The following COL6A1 variants were observed in gnomAD, a reference collection of about 807,000 sequenced individuals.
The protein encoded by COL6A1 is collagen type VI alpha 1 chain, also known as collagen alpha-1(VI) chain.
A neutral mutation model predicts 145.6 loss-of-function variants in COL6A1; 80 were observed. The observed-to-expected ratio is 0.55, with a 90% CI of 0.46 to 0.66. The LOEUF (loss-of-function observed/expected upper bound fraction) is 0.66. COL6A1 is among the 30% of genes least tolerant of loss of function. COL6A1 has a pLI of 0.00. For synonymous variants in COL6A1, 638 were observed against 622.8 expected, an observed-to-expected ratio of 1.02 and a Z score of -0.36; for missense variants, 1,364 against 1,473.8, an observed-to-expected ratio of 0.93 and a Z score of 1.22.
chr21:45,981,934 C>T lies in COL6A1; in HGVS notation c.84C>T (p.Ala28=), dbSNP rs373932797. 2 of 1,606,744 alleles carry T rather than the reference C, an allele frequency of 1.2e-6. No homozygotes were observed. Among genetic ancestry groups the T allele is most frequent in the Non-Finnish European group, 1.7e-6 (2 of 1,177,888 alleles). ...AGGATGAGCCGGAGACCCCGAGGGC[C>T]GTGGCCTTCCAGGGTGAGTGGTGGC... ...AAQDEPETPR[A]VAFQDCPVDL... is the part of the protein sequence containing the mutation. Residue 28 remains alanine (A), a synonymous_variant, in exon 1 of 35, where the codon GCC becomes GCT. Coordinates refer to ENST00000361866, the MANE Select transcript of COL6A1 (RefSeq NM_001848.3).
chr21:45,997,454 C>T lies in COL6A1; in HGVS notation c.1432C>T (p.Arg478Ter), dbSNP rs1322270046. The T allele has an allele frequency of 1.9e-6, 3 of 1,612,772 alleles. No homozygotes were observed. The highest frequency in any genetic ancestry group is 1.7e-5 in the Admixed American group (1 of 59,984). Residue 478 changes from arginine to a stop codon, truncating the protein, a stop_gained, in exon 21 of 35, where the codon CGA becomes TGA. Coordinates refer to ENST00000361866, the MANE Select transcript of COL6A1 (RefSeq NM_001848.3). LOFTEE classifies it high-confidence loss of function. ...TGGCCCTATCGGACCTAAAGGCTAC[C>T]GAGGCGATGAGGGTCCCCCAGGGTC... ...EAGPIGPKGY[R>*]GDEGPPGSEG...
chr21:46,004,808 C>A lies in COL6A1; in HGVS notation c.*795C>A. 1 of 353,582 alleles carries A rather than the reference C, an allele frequency of 2.8e-6. No homozygotes were observed. Among genetic ancestry groups the A allele is most frequent in the South Asian group, 2.0e-5 (1 of 49,308 alleles). The allele number at this position is 353,582 out of a possible 1,614,324, so 21.9% of individuals were successfully genotyped here. ...GACCCTCGAGATTAACGGTGCTAAC[C>A]CCGTCTGCTCCTCCCTCCCGCAGAG... is the stretch of plus-strand genomic sequence containing the variant. On this transcript the variant is annotated 3_prime_UTR_variant, in exon 35 of 35. Coordinates refer to ENST00000361866, the MANE Select transcript of COL6A1 (RefSeq NM_001848.3).
chr21:45,999,919 GGACATGTGA>G (rs2077830258), intron 27 of COL6A1, among the ~76,000 whole-genome samples: 1 of 144,038 alleles, frequency 6.9e-6, no homozygotes. Context: ...GGATCATGGG[GGACATGTGA>G]GGATCATGGG....
chr21:45,990,431 G>GGA lies in COL6A1; in HGVS notation c.1002+10_1002+11insAG. On this transcript the variant is annotated intron_variant, in intron 13 of 34. Coordinates refer to ENST00000361866, the MANE Select transcript of COL6A1 (RefSeq NM_001848.3). ...GGGTGGACGGCGTGAAGGTGACTGG[G>GGA]GGGAGATAGGATGGACGGGGAGGGA... is the stretch of plus-strand genomic sequence containing the variant. The GGA allele has an allele frequency of 6.5e-7, 1 of 1,527,252 alleles. No individual in the cohort carries two copies. Among genetic ancestry groups the GGA allele is most frequent in the Non-Finnish European group, 8.9e-7 (1 of 1,124,160 alleles). The allele number at this position is 1,527,252 out of a possible 1,614,324, so 94.6% of individuals were successfully genotyped here.
chr21:45,985,056 T>A (rs1448931013), intron 3 of COL6A1, among the ~76,000 whole-genome samples: 2,758 of 65,848 alleles, frequency 0.042, no homozygotes, highest in Middle Eastern at 0.094. Flanking sequence ...ACAAAGACAG[T>A]CAGAGACAGA....
chr21:45,984,965 AAGAG>A (rs1295920816), intron 3 of COL6A1, among the ~76,000 whole-genome samples: 11 of 141,790 alleles, frequency 7.8e-5, no homozygotes, highest in Non-Finnish European at 1.2e-4. Flanking sequence ...CAGAGACAGA[AAGAG>A]AGAGAGACAG....
chr21:46,002,643 C>T lies in COL6A1; in HGVS notation c.2367C>T (p.Val789=). Residue 789 remains valine, a synonymous_variant, in exon 33 of 35, where the codon GTC becomes GTT. Transcript: ENST00000361866. The part of the protein sequence containing the change: ...PSQGRPGLSL[V]KENYAELLED... ...AGGGCCGGCCCGGCCTCTCGCTGGTCAAGGAGAACTATGCAGAGCTGCTGG... is the reference window on the plus strand; with the variant it reads ...AGGGCCGGCCCGGCCTCTCGCTGGTTAAGGAGAACTATGCAGAGCTGCTGG... 4 of 1,613,992 alleles carry T rather than the reference C, an allele frequency of 2.5e-6. No individual in the cohort carries two copies. Among genetic ancestry groups the T allele is most frequent in the Non-Finnish European group, 3.4e-6 (4 of 1,180,002 alleles).
Position 45,999,009 on chromosome 21 carries a change from G to A in COL6A1, c.1674+50G>A, listed in dbSNP as rs372460838. The A allele has an allele frequency of 1.8e-5, 28 of 1,549,554 alleles. No individual in the cohort carries two copies. In the African/African-American group the frequency reaches 3.0e-4, roughly 17 times the overall value. On this transcript the variant is annotated intron_variant, in intron 25 of 34. Coordinates refer to ENST00000361866, the MANE Select transcript of COL6A1 (RefSeq NM_001848.3). The stretch of plus-strand genomic sequence containing the variant: ...CAGCCCCAAGTCCACCTGAGCCAGA[G>A]GGCTGGGCCCTTGAAGGGCAGTGGA...
At position 45,989,099 on chromosome 21, in the gene COL6A1, C is replaced by T; in HGVS notation, c.820C>T (p.Pro274Ser). The change falls in exon 9 of 35, where the codon CCG becomes TCG. Residue 274 changes from proline (P) to serine (S), a missense_variant. Physicochemically the swap from Pro to Ser is moderately conservative, Grantham distance 74 (BLOSUM62 -1). Transcript: ENST00000361866. ...DPGFEGERGK[P>S]GLPGEKGEAG... is the part of the protein sequence containing the mutation. ...TGTGTTCCAGGGAGAACGAGGCAAG[C>T]CGGGGCTCCCAGGAGAGAAGGGAGA... 1 of 1,611,468 alleles carries T rather than the reference C, an allele frequency of 6.2e-7. No individual in the cohort carries two copies. The highest frequency in any genetic ancestry group is 8.5e-7 in the Non-Finnish European group (1 of 1,179,026).
In COL6A1 at chr21:45,989,666, C is replaced by CA; in HGVS notation, c.903+14_903+15insA. ...CAGGGAATGAAGGTACGTGCCCCCC[C>CA]TTTCCTGGCCCGAGCCCGGTGGTGC... On this transcript the variant is annotated intron_variant, in intron 10 of 34. Transcript: ENST00000361866. 2 of 1,613,040 alleles carry CA rather than the reference C, an allele frequency of 1.2e-6. No individual in the cohort carries two copies. The highest frequency in any genetic ancestry group is 1.7e-6 in the Non-Finnish European group (2 of 1,179,932).
Position 45,997,497 on chromosome 21 carries a change from C to A in COL6A1, c.1461+14C>A, listed in dbSNP as rs1448917457. ...CCAGGGTCCGAGGTGAGTCCCACTC[C>A]CCACCCACACCCGCCCACCCAGGGG... On this transcript the variant is annotated intron_variant, in intron 21 of 34. Transcript: ENST00000361866. 1 of 1,558,942 alleles carries A rather than the reference C, an allele frequency of 6.4e-7. No homozygotes were observed. Among genetic ancestry groups the A allele is most frequent in the Non-Finnish European group, 8.6e-7 (1 of 1,157,198 alleles).
chr21:45,998,752 A>T, intron 24 of COL6A1, 145 bp from the exon 25 acceptor site: 1 of 1,105,960 alleles, frequency 9.0e-7, no homozygotes, highest in Non-Finnish European at 1.3e-6. Context: ...TCCGGGACCC[A>T]GTTTCTCCAG....
chr21:46,000,879 G>A, intron 29 of COL6A1, 112 bp downstream of exon 29: 5 of 1,365,174 alleles, frequency 3.7e-6, no homozygotes, highest in Non-Finnish European at 4.2e-6. Context: ...CCCGCCCGCA[G>A]CTCCCTGCAC....
At chr21:45,996,183 G>A (rs1004412059) in intron 20 of COL6A1, among the ~76,000 whole-genome samples, 5 of 152,238 alleles carry the variant, frequency 3.3e-5, no homozygotes, top group African/African-American at 9.6e-5. Flanking sequence ...CTGGCCCAGG[G>A]CACAGAGACC....
Position 45,984,346 on chromosome 21 carries a change from G to A in COL6A1, c.305G>A (p.Gly102Asp). ...AGTGACGAGGTGGAGATCATCCAAG[G>A]CCTCACGCGCATGCCTGGCGGCCGC... ...HYSDEVEIIQ[G>D]LTRMPGGRDA... Residue 102 changes from glycine to aspartate, a missense_variant, in exon 3 of 35, where the codon GGC becomes GAC. Physicochemically the swap from Gly to Asp is moderately conservative, Grantham distance 94 (BLOSUM62 -1). Coordinates refer to ENST00000361866, the MANE Select transcript of COL6A1 (RefSeq NM_001848.3). 6.2e-7 allele frequency: 1 copy of A among 1,612,528 alleles called. No individual in the cohort carries two copies. Among genetic ancestry groups the A allele is most frequent in the African/African-American group, 1.3e-5 (1 of 75,064 alleles).
chr21:45,988,591 C>A (rs966831141), intron 8 of COL6A1, among the ~76,000 whole-genome samples: 1 of 152,144 alleles, frequency 6.6e-6, no homozygotes, highest in African/African-American at 2.4e-5. Flanking sequence ...CAGCCGCACT[C>A]TGTTCAGAAG....
In COL6A1 at chr21:45,990,405, G is replaced by A. The variant is rs200835287; in HGVS notation, c.985G>A (p.Gly329Arg). ...KGEKGKRGID[G>R]VDGVKGEMGY... The stretch of plus-strand genomic sequence containing the variant: ...AGAGAAGGGCAAGCGTGGCATCGAC[G>A]GGGTGGACGGCGTGAAGGTGACTGG... The change falls in exon 13 of 35, where the codon GGG becomes AGG. Residue 329 changes from glycine (G) to arginine (R), a missense_variant. Gly to Arg is a moderately radical substitution (Grantham distance 125). Transcript: ENST00000361866. The A allele has an allele frequency of 5.9e-5, 95 of 1,605,054 alleles. 1 individual carries two copies. Among genetic ancestry groups the A allele is most frequent in the Non-Finnish European group, 1.4e-5 (16 of 1,176,358 alleles).
Position 46,003,965 on chromosome 21 carries a change from C to T in COL6A1, c.3039C>T (p.Leu1013=). The T allele has an allele frequency of 6.2e-7, 1 of 1,613,034 alleles. No homozygotes were observed. The highest frequency in any genetic ancestry group is 8.5e-7 in the Non-Finnish European group (1 of 1,179,958). ...LFRVPSYQAL[L]RGVFHQTVSR... is the part of the protein sequence containing the mutation. Reference sequence around the variant, plus strand: ...GTGTCCCCAGCTACCAGGCCCTGCTCCGCGGTGTCTTCCACCAGACAGTCT... The same window carrying T: ...GTGTCCCCAGCTACCAGGCCCTGCTTCGCGGTGTCTTCCACCAGACAGTCT... The change falls in exon 35 of 35, where the codon CTC becomes CTT. Residue 1013 remains leucine (L), a synonymous_variant. Coordinates refer to ENST00000361866, the MANE Select transcript of COL6A1 (RefSeq NM_001848.3).
At chr21:45,992,892 C>A in intron 19 of COL6A1, 82 bp downstream of exon 19, 1 of 1,260,648 alleles carries the variant, frequency 7.9e-7, no homozygotes, top group Non-Finnish European at 1.1e-6. Context: ...TCCAGAGCCA[C>A]AGGACACATC....
Sources: allele counts gnomAD v4.1 joint callset (sites outside exome capture counted in the v4.1 genomes callset), GRCh38; gene constraint gnomAD v4.1.1; transcripts MANE v1.5; gene names NCBI Gene and HGNC (gene_info 2026-07-23, HGNC 2026-07-21).